The following FBXO40 variants were observed in gnomAD, a reference collection of about 807,000 sequenced individuals.
FBXO40 encodes the protein F-box only protein 40.
In FBXO40, 50 loss-of-function variants were observed where a neutral mutation model predicts 49.9. That is an observed-to-expected ratio of 1.00 (90% CI 0.80 to 1.27). The LOEUF is 1.27. Ranked by LOEUF, FBXO40 falls within the 50% of genes most tolerant of loss-of-function variation. The pLI, the probability that FBXO40 is intolerant of heterozygous loss-of-function variation, is 0.00. For synonymous variants in FBXO40, 340 were observed against 320.2 expected (o/e 1.06, Z -0.66); for missense variants, 895 against 870.1 (o/e 1.03, Z -0.36).
At chr3:121,619,431 A>G (rs896905449) in intron 1 of FBXO40, among the ~76,000 whole-genome samples, 3 of 152,238 alleles carry the variant, frequency 2.0e-5, no homozygotes, top group Admixed American at 2.0e-4. Context: ...CTGGCAACCT[A>G]CAGATCCTAT....
At chr3:121,611,512 T>C (rs1001221155) in intron 1 of FBXO40, among the ~76,000 whole-genome samples, 8 of 152,234 alleles carry the variant, frequency 5.3e-5, no homozygotes, top group Admixed American at 1.3e-4. Context: ...AAACATGTCT[T>C]GACTCCCACC....
chr3:121,601,533 T>C (rs2048901383), intron 1 of FBXO40, among the ~76,000 whole-genome samples: 2 of 152,220 alleles, frequency 1.3e-5, no homozygotes, highest in Non-Finnish European at 2.9e-5. Context: ...CCAAGAACCA[T>C]ACTCCATAGT....
At chr3:121,617,894 G>A (rs1576454482) in intron 1 of FBXO40, among the ~76,000 whole-genome samples, 1 of 152,228 alleles carries the variant, frequency 6.6e-6, no homozygotes, top group East Asian at 1.9e-4. Context: ...CAGCTACTTG[G>A]GAAGCTGAGG....
At chr3:121,617,341 A>G (rs1287183178) in intron 1 of FBXO40, among the ~76,000 whole-genome samples, 1 of 152,192 alleles carries the variant, frequency 6.6e-6, no homozygotes, top group Non-Finnish European at 1.5e-5. Context: ...CACACCTGTA[A>G]TCCCAGCACT....
At chr3:121,604,965 TA>T (rs1206115182) in intron 1 of FBXO40, among the ~76,000 whole-genome samples, 12 of 148,290 alleles carry the variant, frequency 8.1e-5, no homozygotes, top group South Asian at 4.2e-4. Flanking sequence ...TTTATTTATT[TA>T]TTTATTTATT....
At chr3:121,603,817 C>T (rs1227858653) in intron 1 of FBXO40, among the ~76,000 whole-genome samples, 2 of 152,204 alleles carry the variant, frequency 1.3e-5, no homozygotes, top group African/African-American at 4.8e-5. Context: ...CTCCCCAGCT[C>T]AAGCGATTCT....
chr3:121,610,312 A>G (rs977240531), intron 1 of FBXO40, among the ~76,000 whole-genome samples: 1 of 152,178 alleles, frequency 6.6e-6, no homozygotes, highest in African/African-American at 2.4e-5. Flanking sequence ...TGGCCATTGA[A>G]AATTGCAAAA....
At chr3:121,597,659 CTTTTTTTTT>C (rs11388990) in intron 1 of FBXO40, among the ~76,000 whole-genome samples, 3 of 124,508 alleles carry the variant, frequency 2.4e-5, no homozygotes, top group African/African-American at 9.3e-5. Context: ...TATAGGCCCC[CTTTTTTTTT>C]TTTTTTTTTT....
At chr3:121,620,366 C>A (rs1272425922) in intron 1 of FBXO40, among the ~76,000 whole-genome samples, 180 bp from the exon 2 acceptor site, 2 of 152,182 alleles carry the variant, frequency 1.3e-5, no homozygotes, top group Non-Finnish European at 2.9e-5. Context: ...GCTGTGTGAC[C>A]TTGGACAAGT....
chr3:121,605,395 C>T (rs1001170668), intron 1 of FBXO40, among the ~76,000 whole-genome samples: 13 of 152,122 alleles, frequency 8.5e-5, no homozygotes, highest in Non-Finnish European at 1.8e-4. Flanking sequence ...TTGGTCGTTG[C>T]GACCAATCGG....
chr3:121,605,403 C>T (rs1015119110), intron 1 of FBXO40, among the ~76,000 whole-genome samples: 2 of 152,132 alleles, frequency 1.3e-5, no homozygotes, highest in Admixed American at 6.6e-5. Context: ...TGCGACCAAT[C>T]GGTAGCAGAT....
intron 1 of FBXO40, among the ~76,000 whole-genome samples, chr3:121,599,246 T>A (rs1256541849): frequency 2.0e-5 from 3 of 152,026 alleles, no homozygotes; most frequent in Non-Finnish European, 4.4e-5. Flanking sequence ...GGTGGGCGGA[T>A]CACCTGAGGC....
chr3:121,597,346 T>C (rs865951377), intron 1 of FBXO40, among the ~76,000 whole-genome samples: 21 of 151,884 alleles, frequency 1.4e-4, no homozygotes, highest in Non-Finnish European at 2.4e-4. Flanking sequence ...GAATGGCTCG[T>C]GGTGATTAAA....
In FBXO40 at chr3:121,621,943, GCAGTGGGTGGAGTGGATAT is replaced by G; in HGVS notation, c.516_534del (p.Gly174TrpfsTer16). The G allele has an allele frequency of 6.2e-7, 1 of 1,614,242 alleles. No homozygotes were observed. The highest frequency in any genetic ancestry group is 8.5e-7 in the Non-Finnish European group (1 of 1,180,056). ...AACCAGTGTGGAGGAAATGGGAGGA[GCAGTGGGTGGAGTGGATAT>G]CGGTTTGGTACCACATGGTCTGTCA... is the stretch of plus-strand genomic sequence containing the variant. On this transcript the variant is annotated frameshift_variant, in exon 3 of 4. Coordinates refer to ENST00000338040, the MANE Select transcript of FBXO40 (RefSeq NM_016298.4). LOFTEE classifies it high-confidence loss of function.
chr3:121,622,648 G>C lies in FBXO40; in HGVS notation c.1219G>C (p.Glu407Gln). 1 of 1,614,170 alleles carries C rather than the reference G, an allele frequency of 6.2e-7. No individual in the cohort carries two copies. Among genetic ancestry groups the C allele is most frequent in the South Asian group, 1.1e-5 (1 of 91,076 alleles). Residue 407 changes from glutamate to glutamine, a missense_variant, in exon 3 of 4, where the codon GAA (glutamate) becomes CAA (glutamine). Glu to Gln is a conservative substitution (Grantham distance 29, BLOSUM62 2). Transcript: ENST00000338040. ...CACCCTCCAGTGTGCTTTGGAAAGA[G>C]AACTCAAAGGCCACGTCATCTCTGA... ...KTTLQCALER[E>Q]LKGHVISESR...
Position 121,622,006 on chromosome 3 carries a change from G to T in FBXO40, c.577G>T (p.Ala193Ser). ...TCTGTCAGCAACTAATGGGGAGATGGCAGAGCTAAGTCAAGAAGAACGGGA... is the reference window on the plus strand; with the variant it reads ...TCTGTCAGCAACTAATGGGGAGATGTCAGAGCTAAGTCAAGAAGAACGGGA... ...HGLSATNGEM[A>S]ELSQEEREVL... Residue 193 changes from alanine (A) to serine (S), a missense_variant, in exon 3 of 4, where the codon GCA (alanine) becomes TCA (serine). Coordinates refer to ENST00000338040, the MANE Select transcript of FBXO40 (RefSeq NM_016298.4). 1 of 1,614,238 alleles carries T rather than the reference G, an allele frequency of 6.2e-7. No individual in the cohort carries two copies. The highest frequency in any genetic ancestry group is 8.5e-7 in the Non-Finnish European group (1 of 1,180,040).
intron 1 of FBXO40, among the ~76,000 whole-genome samples, chr3:121,611,801 C>T (rs916965533): frequency 3.3e-5 from 5 of 152,238 alleles, no homozygotes; most frequent in Admixed American, 1.3e-4. Context: ...CGCAGTGCAT[C>T]GTGCCTCTGG....
At chr3:121,623,871 A>G (rs2049048159) in intron 3 of FBXO40, among the ~76,000 whole-genome samples, 2 of 150,334 alleles carry the variant, frequency 1.3e-5, no homozygotes, top group South Asian at 4.2e-4. Context: ...TATTTTTAGT[A>G]GAGACGGGGT....
intron 1 of FBXO40, among the ~76,000 whole-genome samples, chr3:121,603,648 T>C (rs2048912491): frequency 6.6e-6 from 1 of 152,230 alleles, no homozygotes. Flanking sequence ...TATAGGTGCT[T>C]TGTGGGTGCC....
Sources: allele counts gnomAD v4.1 joint callset (sites outside exome capture counted in the v4.1 genomes callset), GRCh38; gene constraint gnomAD v4.1.1; transcripts MANE v1.5; gene names NCBI Gene and HGNC (gene_info 2026-07-23, HGNC 2026-07-21).